Variants in MACROD2 observed in about 807,000 individuals in gnomAD.
MACROD2 encodes the protein mono-ADP ribosylhydrolase 2, also known as ADP-ribose glycohydrolase MACROD2.
A neutral mutation model predicts 70.4 loss-of-function variants in MACROD2; 36 were observed. The observed-to-expected ratio is 0.51, with a 90% CI of 0.39 to 0.68. MACROD2 has a LOEUF of 0.68. Ranked by LOEUF, MACROD2 falls within the 30% of genes least tolerant of loss-of-function variation. The pLI is 0.00. For missense variants in MACROD2, 496 were observed against 538.4 expected, an observed-to-expected ratio of 0.92 and a Z score of 0.78; for synonymous variants, 172 against 178.8, an observed-to-expected ratio of 0.96 and a Z score of 0.30.
At position 14,680,286 on chromosome 20, in the gene MACROD2, T is replaced by C. The variant is rs1421316628; in HGVS notation, c.302-4557T>C. Among the ~76,000 whole-genome samples the C allele has an allele frequency of 3.3e-5, 5 of 152,256 alleles. No individual in the cohort carries two copies. The East Asian group carries it at 5.8e-4, about 18-fold the overall frequency. On this transcript the variant is annotated intron_variant, in intron 4 of 17. Transcript: ENST00000684519. ...GGAAGAAAATGAAAGCTAGAAGGTGTAAATAACTGAGAAAATAATTCAGCA... is the reference window on the plus strand; with the variant it reads ...GGAAGAAAATGAAAGCTAGAAGGTGCAAATAACTGAGAAAATAATTCAGCA...
intron 3 of MACROD2, among the ~76,000 whole-genome samples, chr20:14,365,462 A>G (rs988984553): frequency 1.3e-5 from 2 of 151,820 alleles, no homozygotes; most frequent in African/African-American, 4.8e-5. Context: ...TATAAAACAT[A>G]ATATTCCCAC....
At chr20:15,232,658 A>G (rs966257802) in intron 6 of MACROD2, among the ~76,000 whole-genome samples, 1 of 152,074 alleles carries the variant, frequency 6.6e-6, no homozygotes, top group Admixed American at 6.5e-5. Flanking sequence ...ATGATTTGGC[A>G]ATTTAAGGAA....
intron 5 of MACROD2, among the ~76,000 whole-genome samples, chr20:14,831,987 A>G (rs981429673): frequency 7.1e-6 from 1 of 141,136 alleles, no homozygotes; most frequent in African/African-American, 2.7e-5. Flanking sequence ...AGAAGCAGAG[A>G]AGATGTAGTC....
At chr20:14,672,062 A>G (rs1176713117) in intron 4 of MACROD2, among the ~76,000 whole-genome samples, 1 of 152,146 alleles carries the variant, frequency 6.6e-6, no homozygotes, top group Non-Finnish European at 1.5e-5. Context: ...CCTTCTGATG[A>G]GGATGATGAT....
chr20:14,273,396 T>G (rs1290493984), intron 3 of MACROD2, among the ~76,000 whole-genome samples: 2 of 150,280 alleles, frequency 1.3e-5, no homozygotes, highest in Admixed American at 1.3e-4. Flanking sequence ...GAATGACTAC[T>G]GGGTACATAA....
chr20:14,734,616 AAAC>A lies in MACROD2; in HGVS notation c.418+49661_418+49663del, dbSNP rs1377991838. On this transcript the variant is annotated intron_variant, in intron 5 of 17. Transcript: ENST00000684519. ...GAGCCTTGTTATGTCTTCATCCAAA[AAAC>A]AACTTTTTTTTTCTTAATAGTAACT... Among the ~76,000 whole-genome samples the A allele has an allele frequency of 4.6e-5, 7 of 152,214 alleles. No homozygotes were observed. In the East Asian group the frequency reaches 1.4e-3, roughly 29 times the overall value.
chr20:15,139,686 A>C (rs1478754793), intron 5 of MACROD2, among the ~76,000 whole-genome samples: 1 of 152,188 alleles, frequency 6.6e-6, no homozygotes, highest in Non-Finnish European at 1.5e-5. Context: ...AATTACCCTG[A>C]AATTATTAGT....
At chr20:14,435,881 A>T (rs2084051010) in intron 3 of MACROD2, among the ~76,000 whole-genome samples, 1 of 151,884 alleles carries the variant, frequency 6.6e-6, no homozygotes, top group Non-Finnish European at 1.5e-5. Context: ...TAATTTTTGT[A>T]TTTTTGGTAG....
intron 5 of MACROD2, among the ~76,000 whole-genome samples, chr20:14,864,615 A>G (rs1454400637): frequency 6.6e-6 from 1 of 152,126 alleles, no homozygotes; most frequent in Non-Finnish European, 1.5e-5. Context: ...GTGAGTGTTG[A>G]ACCGACGGAC....
At chr20:15,298,177 G>A (rs2077608530) in intron 6 of MACROD2, among the ~76,000 whole-genome samples, 1 of 152,144 alleles carries the variant, frequency 6.6e-6, no homozygotes, top group African/African-American at 2.4e-5. Context: ...TTTTGAAAAA[G>A]CTCTCAGGGT....
At chr20:15,901,639 G>A (rs1031267649) in intron 10 of MACROD2, among the ~76,000 whole-genome samples, 4 of 152,174 alleles carry the variant, frequency 2.6e-5, no homozygotes, top group African/African-American at 9.7e-5. Flanking sequence ...AACCTACAAT[G>A]GGTTTATCAG....
chr20:14,683,722 G>C (rs1472005966), intron 4 of MACROD2, among the ~76,000 whole-genome samples: 1 of 152,078 alleles, frequency 6.6e-6, no homozygotes, highest in Non-Finnish European at 1.5e-5. Flanking sequence ...TAATAATAAT[G>C]ATAATGATAA....
chr20:15,465,136 G>A (rs2046868340), intron 7 of MACROD2, among the ~76,000 whole-genome samples: 1 of 152,058 alleles, frequency 6.6e-6, no homozygotes, highest in African/African-American at 2.4e-5. Context: ...GATAACTAAG[G>A]TGAATGAGAT....
At chr20:15,427,870 C>T (rs1267851125) in intron 6 of MACROD2, among the ~76,000 whole-genome samples, 2 of 152,100 alleles carry the variant, frequency 1.3e-5, no homozygotes, top group African/African-American at 2.4e-5. Context: ...GATTTTTTCC[C>T]CCTGGGAACA....
At chr20:15,214,748 A>C (rs2076793973) in intron 5 of MACROD2, among the ~76,000 whole-genome samples, 1 of 152,196 alleles carries the variant, frequency 6.6e-6, no homozygotes, top group Non-Finnish European at 1.5e-5. Context: ...GTTAAAGAGA[A>C]CTATTGACAC....
At chr20:14,003,631 A>G (rs1601099795) in intron 2 of MACROD2, 1 of 451,428 alleles carries the variant, frequency 2.2e-6, no homozygotes, top group African/African-American at 2.0e-5. Context: ...GCTGCCCACC[A>G]CCCCGTCTCA....
Position 14,128,279 on chromosome 20 carries a change from G to A in MACROD2, c.271+42551G>A, listed in dbSNP as rs537889746. 24 of 215,244 alleles carry A rather than the reference G, an allele frequency of 1.1e-4. No individual in the cohort carries two copies. In the South Asian group the frequency reaches 2.0e-3, roughly 18 times the overall value. The allele number at this position is 215,244 out of a possible 1,614,324, so 13.3% of individuals were successfully genotyped here. ...CTATATACAAAGGAGCTCCCTTTGA[G>A]ATGAAAGGGAAGGGAGGGTGTAGGG... On this transcript the variant is annotated intron_variant, in intron 3 of 17. Transcript: ENST00000684519.
At chr20:14,164,683 G>T (rs1214260797) in intron 3 of MACROD2, among the ~76,000 whole-genome samples, 1 of 152,052 alleles carries the variant, frequency 6.6e-6, no homozygotes, top group Non-Finnish European at 1.5e-5. Context: ...CTGACCGCAG[G>T]CTCTGGGAGG....
At chr20:14,759,115 T>C (rs1199837313) in intron 5 of MACROD2, among the ~76,000 whole-genome samples, 1 of 152,144 alleles carries the variant, frequency 6.6e-6, no homozygotes, top group African/African-American at 2.4e-5. Context: ...AATTACTGTA[T>C]AGATTGCTTT....
Sources: gnomAD v4.1 joint callset for allele counts (sites outside exome capture counted in the v4.1 genomes callset) on GRCh38, gnomAD v4.1.1 for gene constraint, MANE v1.5 for transcripts, NCBI Gene and HGNC (gene_info 2026-07-23, HGNC 2026-07-21) for gene names.